Variants in RCOR1 observed in about 807,000 individuals in gnomAD.
RCOR1 encodes REST corepressor.
RCOR1 carries 12 observed loss-of-function variants against 64.0 expected under a neutral mutation model. That is an observed-to-expected ratio of 0.19 (90% CI 0.12 to 0.30). The LOEUF (loss-of-function observed/expected upper bound fraction) is 0.30, where lower values mean the gene tolerates loss of function less well. Among genes scored for constraint, RCOR1 ranks in the 10% least tolerant of loss-of-function variants. The pLI, the probability that RCOR1 is intolerant of heterozygous loss-of-function variation, is 1.00. For synonymous variants in RCOR1, 279 were observed against 227.2 expected, an observed-to-expected ratio of 1.23 and a Z score of -2.05; for missense variants, 502 against 621.2, an observed-to-expected ratio of 0.81 and a Z score of 2.04.
At chr14:102,716,709 C>T (rs922944660) in intron 8 of RCOR1, among the ~76,000 whole-genome samples, 9 of 151,976 alleles carry the variant, frequency 5.9e-5, no homozygotes, top group Non-Finnish European at 4.4e-5. Flanking sequence ...ATCTCTTTGT[C>T]CATCCTTCAC....
At chr14:102,600,895 A>G (rs1217980734) in intron 2 of RCOR1, among the ~76,000 whole-genome samples, 2 of 146,158 alleles carry the variant, frequency 1.4e-5, no homozygotes, top group East Asian at 4.7e-4. Flanking sequence ...CTTAGTAGAG[A>G]TGGTATTTCG....
chr14:102,637,623 T>C (rs1326704899), intron 2 of RCOR1, among the ~76,000 whole-genome samples: 1 of 151,904 alleles, frequency 6.6e-6, no homozygotes, highest in Non-Finnish European at 1.5e-5. Flanking sequence ...ATGTTTAGTA[T>C]TTTTTTGTAG....
intron 2 of RCOR1, among the ~76,000 whole-genome samples, chr14:102,632,761 TCC>T (rs1567415364): frequency 1.8e-4 from 10 of 55,200 alleles, no homozygotes; most frequent in African/African-American, 7.1e-4. Flanking sequence ...TCCCCTCCCC[TCC>T]CCTCCCCTCT....
At chr14:102,669,166 A>T (rs773932059) in intron 2 of RCOR1, among the ~76,000 whole-genome samples, 20 of 152,070 alleles carry the variant, frequency 1.3e-4, no homozygotes, top group Non-Finnish European at 2.6e-4. Context: ...AAAATTAGCC[A>T]GGCGTGGTGG....
chr14:102,718,842 T>G (rs893096343), intron 8 of RCOR1, among the ~76,000 whole-genome samples: 5 of 152,162 alleles, frequency 3.3e-5, no homozygotes, highest in Admixed American at 3.3e-4. Flanking sequence ...ATCCTGGGAC[T>G]GTAGTGATAC....
At position 102,730,300 on chromosome 14, in the gene RCOR1, G is replaced by T. The variant is rs893203792; in HGVS notation, c.*3794G>T. 1 of 311,100 alleles carries T rather than the reference G, an allele frequency of 3.2e-6. No homozygotes were observed. The highest frequency in any genetic ancestry group is 2.1e-5 in the African/African-American group (1 of 47,030). 19.3% of individuals were successfully genotyped at this position (311,100 alleles called of 1,614,324 possible). A position where few individuals can be genotyped will look rare whatever the true frequency, so the allele number is the denominator to read the frequency against. ...AATGCTGTATATCTTTTGAAGTGAT[G>T]AAATCCACGTTGGAATTTTAAAGAA... On this transcript the variant is annotated 3_prime_UTR_variant, in exon 12 of 12. Coordinates refer to ENST00000262241, the MANE Select transcript of RCOR1 (RefSeq NM_015156.4).
chr14:102,700,099 A>G (rs565990492), intron 3 of RCOR1, among the ~76,000 whole-genome samples: 1 of 152,348 alleles, frequency 6.6e-6, no homozygotes, highest in African/African-American at 2.4e-5. Flanking sequence ...TCATTATTCA[A>G]CCTGAGCTGA....
In RCOR1 at chr14:102,592,891, C is replaced by G. The variant is rs762397480; in HGVS notation, c.5C>G (p.Pro2Arg). The G allele has an allele frequency of 8.1e-7, 1 of 1,227,352 alleles. No homozygotes were observed. The highest frequency in any genetic ancestry group is 1.0e-6 in the Non-Finnish European group (1 of 981,142). The allele number at this position is 1,227,352 out of a possible 1,614,324, so 76.0% of individuals were successfully genotyped here. The change falls in exon 1 of 12, where the codon CCG becomes CGG. Residue 2 changes from proline (P) to arginine (R), a missense_variant. Pro to Arg is a moderately radical substitution (Grantham distance 103). Coordinates refer to ENST00000262241, the MANE Select transcript of RCOR1 (RefSeq NM_015156.4). The part of the protein sequence containing the change: M[P>R]AMVEKGPEVS... ...GCACGGCCCCGGCCCCCGCCGATGC[C>G]GGCCATGGTGGAGAAGGGCCCCGAG...
chr14:102,653,353 G>C (rs1172057786), intron 2 of RCOR1, among the ~76,000 whole-genome samples: 1 of 152,110 alleles, frequency 6.6e-6, no homozygotes, highest in Non-Finnish European at 1.5e-5. Context: ...TGAGTAGCTG[G>C]GACCACAGGC....
intron 2 of RCOR1, among the ~76,000 whole-genome samples, chr14:102,625,019 C>G (rs1893952044): frequency 6.6e-6 from 1 of 151,444 alleles, no homozygotes; most frequent in Non-Finnish European, 1.5e-5. Flanking sequence ...TGCATGCTAC[C>G]ATACACCTGG....
intron 2 of RCOR1, among the ~76,000 whole-genome samples, chr14:102,668,174 C>T (rs1231161674): frequency 6.6e-6 from 1 of 152,140 alleles, no homozygotes; most frequent in African/African-American, 2.4e-5. Context: ...TACATCACAT[C>T]CTCTCTTCTG....
chr14:102,710,658 T>C (rs564469787), intron 6 of RCOR1: 62 of 361,618 alleles, frequency 1.7e-4, no homozygotes, highest in Middle Eastern at 7.9e-4. Flanking sequence ...TTTACAGATA[T>C]AGAGCAATAG....
At position 102,727,385 on chromosome 14, in the gene RCOR1, A is replaced by C. The variant is rs1452205124; in HGVS notation, c.*879A>C. The C allele has an allele frequency of 6.7e-6, 1 of 149,640 alleles. No homozygotes were observed. Among genetic ancestry groups the C allele is most frequent in the Non-Finnish European group, 1.5e-5 (1 of 67,808 alleles). The allele number at this position is 149,640 out of a possible 1,614,324, so 9.3% of individuals were successfully genotyped here. ...TCTCCTTTTGGCAACCATGGTTATC[A>C]ATCCTTTTTCTGTTTTAGTGTCTTA... On this transcript the variant is annotated 3_prime_UTR_variant, in exon 12 of 12. Coordinates refer to ENST00000262241, the MANE Select transcript of RCOR1 (RefSeq NM_015156.4).
chr14:102,675,211 G>T (rs564345182), intron 2 of RCOR1, among the ~76,000 whole-genome samples: 1 of 151,550 alleles, frequency 6.6e-6, no homozygotes, highest in African/African-American at 2.4e-5. Flanking sequence ...ATAATTTTTG[G>T]TGCACATTTT....
At chr14:102,661,144 C>G (rs371151862) in intron 2 of RCOR1, among the ~76,000 whole-genome samples, 8 of 152,216 alleles carry the variant, frequency 5.3e-5, no homozygotes, top group African/African-American at 1.9e-4. Context: ...CCCAGGAATT[C>G]GAGACCAGCC....
chr14:102,727,581 G>A lies in RCOR1; in HGVS notation c.*1075G>A, dbSNP rs990373633. 6.6e-6 allele frequency: 1 copy of A among 152,082 alleles called. No homozygotes were observed. Among genetic ancestry groups the A allele is most frequent in the Non-Finnish European group, 1.5e-5 (1 of 67,998 alleles). 9.4% of individuals were successfully genotyped at this position (152,082 alleles called of 1,614,324 possible). On this transcript the variant is annotated 3_prime_UTR_variant, in exon 12 of 12. Coordinates refer to ENST00000262241, the MANE Select transcript of RCOR1 (RefSeq NM_015156.4). ...GTTCCGCGTTCTCTCGGTGTGCCTGGCCTTTTATGTGGCACTCTGTATGTC... is the reference window on the plus strand; with the variant it reads ...GTTCCGCGTTCTCTCGGTGTGCCTGACCTTTTATGTGGCACTCTGTATGTC...
chr14:102,677,349 C>A (rs1207553909), intron 2 of RCOR1, among the ~76,000 whole-genome samples: 2 of 140,706 alleles, frequency 1.4e-5, no homozygotes, highest in South Asian at 2.2e-4. Context: ...ACCCCCCCCC[C>A]ACCTCCCTCC....
At chr14:102,603,486 A>C (rs1252307390) in intron 2 of RCOR1, among the ~76,000 whole-genome samples, 1 of 151,938 alleles carries the variant, frequency 6.6e-6, no homozygotes, top group Non-Finnish European at 1.5e-5. Flanking sequence ...CACTATGCCC[A>C]GCTAATATTT....
intron 2 of RCOR1, among the ~76,000 whole-genome samples, chr14:102,640,363 G>T (rs778745417): frequency 3.3e-5 from 5 of 152,102 alleles, no homozygotes; most frequent in Non-Finnish European, 5.9e-5. Context: ...AAAACAGTCA[G>T]TATTTAGATA....
Sources: allele counts gnomAD v4.1 joint callset (sites outside exome capture counted in the v4.1 genomes callset), GRCh38; gene constraint gnomAD v4.1.1; transcripts MANE v1.5; gene names NCBI Gene and HGNC (gene_info 2026-07-23, HGNC 2026-07-21).